KANK4: variants seen among roughly 807,000 people sequenced by gnomAD.
KANK4 encodes KN motif and ankyrin repeat domains 4.
A neutral mutation model predicts 80.8 loss-of-function variants in KANK4; 50 were observed. The ratio of observed to expected loss-of-function variants is 0.62; its 90% CI spans 0.49 to 0.78. The LOEUF (loss-of-function observed/expected upper bound fraction) is 0.78, where lower values mean the gene tolerates loss of function less well. KANK4 is among the 30% of genes least tolerant of loss of function. The pLI is 0.00. For synonymous variants in KANK4, 465 were observed against 506.9 expected, an observed-to-expected ratio of 0.92 and a Z score of 1.11; for missense variants, 1,196 against 1,240.1, an observed-to-expected ratio of 0.96 and a Z score of 0.53.
intron 1 of KANK4, among the ~76,000 whole-genome samples, chr1:62,293,145 T>C (rs1217570286): frequency 6.6e-6 from 1 of 151,700 alleles, no homozygotes; most frequent in African/African-American, 2.4e-5. Context: ...TGGAGTACAA[T>C]GGCACAATCT....
intron 2 of KANK4, 130 bp from the exon 3 acceptor site, chr1:62,275,217 C>T (rs1259486301): frequency 1.8e-5 from 12 of 672,664 alleles, no homozygotes; most frequent in Admixed American, 1.2e-4. Flanking sequence ...GTTCTAGCCT[C>T]GAAATTATGC....
chr1:62,238,080 T>C lies in KANK4; in HGVS notation c.*197A>G, dbSNP rs1159324920. On this transcript the variant is annotated 3_prime_UTR_variant, in exon 10 of 10. Transcript: ENST00000371153. The stretch of plus-strand genomic sequence containing the variant: ...CCCTGCTCTGAAGCCCGTGTAGTTT[T>C]CAGGCTTGGCCTAAGGCAAAAACTA... 1.9e-6 allele frequency: 1 copy of C among 517,420 alleles called. No homozygotes were observed. The highest frequency in any genetic ancestry group is 1.9e-5 in the African/African-American group (1 of 52,758). The allele number at this position is 517,420 out of a possible 1,614,324, so 32.1% of individuals were successfully genotyped here.
chr1:62,308,047 C>G (rs1417267732), intron 1 of KANK4, among the ~76,000 whole-genome samples: 5 of 152,138 alleles, frequency 3.3e-5, no homozygotes, highest in African/African-American at 1.2e-4. Flanking sequence ...TGTAGGATGC[C>G]CTTTTTTGTC....
intron 1 of KANK4, among the ~76,000 whole-genome samples, chr1:62,299,422 G>A (rs1386668236): frequency 6.6e-6 from 1 of 152,104 alleles, no homozygotes; most frequent in Non-Finnish European, 1.5e-5. Context: ...CCTGAGTCTA[G>A]AAAAGGTGGT....
intron 1 of KANK4, among the ~76,000 whole-genome samples, chr1:62,293,341 G>A (rs910765065): frequency 4.0e-5 from 6 of 151,628 alleles, no homozygotes; most frequent in African/African-American, 1.5e-4. Context: ...ATGATCTACC[G>A]GCCTCGGCTT....
At chr1:62,294,333 T>C (rs1414367545) in intron 1 of KANK4, among the ~76,000 whole-genome samples, 1 of 152,184 alleles carries the variant, frequency 6.6e-6, no homozygotes, top group African/African-American at 2.4e-5. Context: ...TCCTCCCTCC[T>C]GGGTCACTTC....
At chr1:62,286,174 G>A (rs557952728) in intron 1 of KANK4, among the ~76,000 whole-genome samples, 2 of 152,336 alleles carry the variant, frequency 1.3e-5, no homozygotes, top group East Asian at 1.9e-4. Context: ...GAAAACAGTC[G>A]GGAGGAACGC....
intron 7 of KANK4, among the ~76,000 whole-genome samples, chr1:62,255,699 C>T (rs998217024): frequency 1.3e-5 from 2 of 152,130 alleles, no homozygotes; most frequent in Admixed American, 1.3e-4. Flanking sequence ...GTTGCCCAGG[C>T]TGAGGGTGAG....
chr1:62,294,626 C>G (rs1644345821), intron 1 of KANK4, among the ~76,000 whole-genome samples: 1 of 111,220 alleles, frequency 9.0e-6, no homozygotes, highest in African/African-American at 3.9e-5. Flanking sequence ...CAAACTGAGG[C>G]TAAGTGATCC....
At chr1:62,309,755 C>A (rs1185421357) in intron 1 of KANK4, among the ~76,000 whole-genome samples, 1 of 152,152 alleles carries the variant, frequency 6.6e-6, no homozygotes, top group Non-Finnish European at 1.5e-5. Context: ...CACTCTTCCA[C>A]GGGCCACACT....
At chr1:62,279,593 G>A (rs1036783478) in intron 2 of KANK4, among the ~76,000 whole-genome samples, 7 of 152,162 alleles carry the variant, frequency 4.6e-5, no homozygotes, top group African/African-American at 1.7e-4. Context: ...CCTCTGCCTC[G>A]ATTTCTCCAT....
chr1:62,287,735 G>A (rs1672599897), intron 1 of KANK4, among the ~76,000 whole-genome samples: 1 of 152,112 alleles, frequency 6.6e-6, no homozygotes, highest in East Asian at 1.9e-4. Context: ...ACTTTTCTTG[G>A]AAGATTCTAG....
At chr1:62,264,647 G>A (rs1671976748) in intron 6 of KANK4, among the ~76,000 whole-genome samples, 1 of 152,180 alleles carries the variant, frequency 6.6e-6, no homozygotes, top group African/African-American at 2.4e-5. Flanking sequence ...TGGGTGTGGT[G>A]CCGGGCTTGC....
chr1:62,278,376 C>CCTTTCTTT lies in KANK4; in HGVS notation c.16+3165_16+3172dup, dbSNP rs1320732854. ...TCCTTCCTTCCTTCCTTCCTTCCTT[C>CCTTTCTTT]CTTTCTTTCTTTCTTTCTTTCTTTT... On this transcript the variant is annotated intron_variant, in intron 2 of 9. Coordinates refer to ENST00000371153, the MANE Select transcript of KANK4 (RefSeq NM_181712.5). Among the ~76,000 whole-genome samples the CCTTTCTTT allele has an allele frequency of 1.0e-3, 33 of 32,286 alleles. 4 individuals are homozygous for CCTTTCTTT. Among genetic ancestry groups the CCTTTCTTT allele is most frequent in the South Asian group, 3.0e-3 (3 of 1,002 alleles). The allele number at this position is 32,286 out of a possible 152,430, so 21.2% of individuals were successfully genotyped here. A position where few individuals can be genotyped will look rare whatever the true frequency, so the allele number is the denominator to read the frequency against.
At chr1:62,269,774 C>G (rs1672115664) in intron 4 of KANK4, among the ~76,000 whole-genome samples, 2 of 151,760 alleles carry the variant, frequency 1.3e-5, no homozygotes, top group South Asian at 4.2e-4. Flanking sequence ...GTGATAAAAA[C>G]AATGAATAAA....
chr1:62,318,931 C>T (rs528310867), intron 1 of KANK4, among the ~76,000 whole-genome samples, 175 bp downstream of exon 1: 1 of 152,190 alleles, frequency 6.6e-6, no homozygotes, highest in Non-Finnish European at 1.5e-5. Flanking sequence ...CCCAAGCTGC[C>T]GCAGCCACTG....
chr1:62,284,708 G>T lies in KANK4; in HGVS notation c.-70-3074C>A, dbSNP rs2666486. On this transcript the variant is annotated intron_variant, in intron 1 of 9. Coordinates refer to ENST00000371153, the MANE Select transcript of KANK4 (RefSeq NM_181712.5). The stretch of plus-strand genomic sequence containing the variant: ...GGTGTTATTACGTTACTTTTCATTT[G>T]TTTTTGTCCTATGCCAGGATCAAGG... Among the ~76,000 whole-genome samples the T allele has an allele frequency of 3.9e-3, 593 of 152,244 alleles. 4 individuals are homozygous for T. Among genetic ancestry groups the T allele is most frequent in the African/African-American group, 0.014 (561 of 41,524 alleles).
intron 1 of KANK4, among the ~76,000 whole-genome samples, chr1:62,312,363 G>A (rs7545708): frequency 6.6e-6 from 1 of 152,160 alleles, no homozygotes; most frequent in Admixed American, 6.5e-5. Flanking sequence ...GCCTACATTC[G>A]TAATACAAGA....
intron 1 of KANK4, among the ~76,000 whole-genome samples, chr1:62,294,035 G>A (rs17314520): frequency 0.071 from 10,837 of 152,212 alleles, 605 homozygotes; most frequent in Admixed American, 0.16. Flanking sequence ...ACGCAGCATC[G>A]GCAATCTCTT....
Sources: gnomAD v4.1 joint callset for allele counts (sites outside exome capture counted in the v4.1 genomes callset) on GRCh38, gnomAD v4.1.1 for gene constraint, MANE v1.5 for transcripts, NCBI Gene and HGNC (gene_info 2026-07-23, HGNC 2026-07-21) for gene names.